CNOT4: variants seen among roughly 807,000 people sequenced by gnomAD.
CNOT4 encodes the protein CCR4-NOT transcription complex subunit 4.
CNOT4 carries 8 observed loss-of-function variants against 73.8 expected under a neutral mutation model. The observed-to-expected ratio is 0.11, with a 90% confidence interval of 0.06 to 0.20. The LOEUF (loss-of-function observed/expected upper bound fraction) is 0.20, where lower values mean the gene tolerates loss of function less well. Among genes scored for constraint, CNOT4 ranks in the 10% least tolerant of loss-of-function variants. CNOT4 has a pLI of 1.00. For missense variants in CNOT4, 564 were observed against 883.4 expected (o/e 0.64, Z 4.58); for synonymous variants, 293 against 321.1 (o/e 0.91, Z 0.94).
intron 1 of CNOT4, among the ~76,000 whole-genome samples, chr7:135,463,039 G>A (rs1460264608): frequency 2.0e-5 from 3 of 152,222 alleles, no homozygotes; most frequent in Admixed American, 2.0e-4. Context: ...GACAGCCGTA[G>A]ATGTGCAGCC....
intron 1 of CNOT4, among the ~76,000 whole-genome samples, chr7:135,502,590 A>G (rs547825062): frequency 0.012 from 1,771 of 152,088 alleles, 40 homozygotes; most frequent in African/African-American, 0.041. Context: ...CGAAGCGGGC[A>G]GATCACCTGA....
chr7:135,506,187 T>C (rs1158856427), intron 1 of CNOT4, among the ~76,000 whole-genome samples: 2 of 152,242 alleles, frequency 1.3e-5, no homozygotes, highest in African/African-American at 4.8e-5. Flanking sequence ...AATCTCAGAA[T>C]GTGTTAAACA....
intron 2 of CNOT4, among the ~76,000 whole-genome samples, chr7:135,424,993 C>A (rs1798411794): frequency 6.6e-6 from 1 of 152,154 alleles, no homozygotes; most frequent in African/African-American, 2.4e-5. Flanking sequence ...CTGAGATAAG[C>A]GTTCAGAAAC....
chr7:135,368,202 T>C (rs1389136025), intron 10 of CNOT4, among the ~76,000 whole-genome samples: 1 of 152,088 alleles, frequency 6.6e-6, no homozygotes, highest in Non-Finnish European at 1.5e-5. Flanking sequence ...AAATCTCTTA[T>C]TAAAGAAGAA....
chr7:135,362,574 C>A lies in CNOT4; in HGVS notation c.*311G>T, dbSNP rs760062770. The A allele has an allele frequency of 1.3e-5, 6 of 477,468 alleles. No homozygotes were observed. The Admixed American group carries it at 1.7e-4, about 13-fold the overall frequency. 29.6% of individuals were successfully genotyped at this position (477,468 alleles called of 1,614,324 possible). On this transcript the variant is annotated 3_prime_UTR_variant, in exon 12 of 12. Coordinates refer to ENST00000541284, the MANE Select transcript of CNOT4 (RefSeq NM_001190850.2). ...AAGCAGATTATGTCATTATTATGCG[C>A]AACAGACAAACAATAATTTTCTAAG...
intron 1 of CNOT4, among the ~76,000 whole-genome samples, chr7:135,474,895 T>C (rs1801896424): frequency 6.6e-6 from 1 of 152,146 alleles, no homozygotes. Flanking sequence ...AAAACCATAA[T>C]GATGGTAATA....
intron 10 of CNOT4, among the ~76,000 whole-genome samples, chr7:135,391,746 A>G (rs186758830): frequency 3.9e-5 from 6 of 152,206 alleles, no homozygotes; most frequent in Admixed American, 2.0e-4. Context: ...GAGAATAACT[A>G]TTGGTTTGAA....
chr7:135,429,950 T>C (rs999120254), intron 2 of CNOT4, among the ~76,000 whole-genome samples: 5 of 152,186 alleles, frequency 3.3e-5, no homozygotes, highest in Non-Finnish European at 7.3e-5. Flanking sequence ...CTGAAATTTA[T>C]GGGGGCAAAA....
rs976754043 is a variant in CNOT4, at chr7:135,407,295, A to C, written c.821+3220T>G. Among the ~76,000 whole-genome samples the C allele has an allele frequency of 2.0e-5, 3 of 152,344 alleles. No individual in the cohort carries two copies. The East Asian group carries it at 5.8e-4, about 29-fold the overall frequency. ...TTTCTTTATAGCAATGCAAGAACAGACTAAACACAGTAAAAGCTAACTACT... is the reference window on the plus strand; with the variant it reads ...TTTCTTTATAGCAATGCAAGAACAGCCTAAACACAGTAAAAGCTAACTACT... On this transcript the variant is annotated intron_variant, in intron 7 of 11. Coordinates refer to ENST00000541284, the MANE Select transcript of CNOT4 (RefSeq NM_001190850.2).
chr7:135,407,224 G>A (rs1354999202), intron 7 of CNOT4, among the ~76,000 whole-genome samples: 2 of 152,176 alleles, frequency 1.3e-5, no homozygotes, highest in African/African-American at 2.4e-5. Flanking sequence ...GCAGAACTGT[G>A]AGCCAAATGA....
chr7:135,369,271 T>G lies in CNOT4; in HGVS notation c.1628-5205A>C, dbSNP rs79687998. 2.8e-3 allele frequency among the ~76,000 whole-genome samples: 419 copies of G among 152,324 alleles called. 4 individuals are homozygous for G. Among genetic ancestry groups the G allele is most frequent in the Non-Finnish European group, 2.2e-3 (149 of 68,010 alleles). On this transcript the variant is annotated intron_variant, in intron 10 of 11. Coordinates refer to ENST00000541284, the MANE Select transcript of CNOT4 (RefSeq NM_001190850.2). ...CCCAAACAAGACAATTCCAGTAGAT[T>G]TGTTTCCACGAATATATTTTTGTGC...
At position 135,457,611 on chromosome 7, in the gene CNOT4, C is replaced by T. The variant is rs541981846; in HGVS notation, c.-92-19188G>A. Among the ~76,000 whole-genome samples the T allele has an allele frequency of 3.9e-4, 59 of 152,098 alleles. 1 individual carries two copies. The highest frequency in any genetic ancestry group is 1.4e-3 in the African/African-American group (58 of 41,558). On this transcript the variant is annotated intron_variant, in intron 1 of 11. Coordinates refer to ENST00000541284, the MANE Select transcript of CNOT4 (RefSeq NM_001190850.2). ...TCCAAAAATTTGTAAGTTTCAATGG[C>T]GTTTCCACGCTTCTAATACTATTTT...
At chr7:135,398,835 G>C (rs1355067638) in intron 7 of CNOT4, among the ~76,000 whole-genome samples, 1 of 151,974 alleles carries the variant, frequency 6.6e-6, no homozygotes, top group East Asian at 1.9e-4. Context: ...ATTTTTCTGG[G>C]TGTTTGACAG....
intron 10 of CNOT4, among the ~76,000 whole-genome samples, chr7:135,389,211 G>A (rs912598449): frequency 6.9e-6 from 1 of 145,892 alleles, no homozygotes; most frequent in African/African-American, 2.6e-5. Context: ...CAAGCCAATT[G>A]GACCCTTATA....
Position 135,434,586 on chromosome 7 carries a change from T to C in CNOT4, c.174+3572A>G, listed in dbSNP as rs191934436. Among the ~76,000 whole-genome samples the C allele has an allele frequency of 1.8e-3, 268 of 152,344 alleles. 5 individuals carry two copies. Among genetic ancestry groups the C allele is most frequent in the Middle Eastern group, 0.01 (3 of 294 alleles). ...GTTGGAAAGTTTTGGTGCTTATCCT[T>C]AGACAATCTTTCATCTTTTCAATTC... On this transcript the variant is annotated intron_variant, in intron 2 of 11. Coordinates refer to ENST00000541284, the MANE Select transcript of CNOT4 (RefSeq NM_001190850.2).
intron 2 of CNOT4, among the ~76,000 whole-genome samples, chr7:135,432,039 T>C (rs938456139): frequency 3.3e-5 from 5 of 152,166 alleles, no homozygotes; most frequent in Non-Finnish European, 7.4e-5. Context: ...GCTAAATACT[T>C]AGAATACCCA....
intron 1 of CNOT4, among the ~76,000 whole-genome samples, chr7:135,504,785 C>T (rs975158042): frequency 4.2e-5 from 3 of 71,512 alleles, no homozygotes; most frequent in Non-Finnish European, 8.9e-5. Flanking sequence ...CGCGCCCGGC[C>T]CATCCGGCTA....
At chr7:135,503,424 C>T (rs1804134149) in intron 1 of CNOT4, among the ~76,000 whole-genome samples, 1 of 151,320 alleles carries the variant, frequency 6.6e-6, no homozygotes, top group Non-Finnish European at 1.5e-5. Context: ...GATCATGCCA[C>T]TGCACTCCAG....
At chr7:135,453,826 T>TATATATATATATATATATATA (rs1800335679) in intron 1 of CNOT4, among the ~76,000 whole-genome samples, 1 of 89,900 alleles carries the variant, frequency 1.1e-5, no homozygotes, top group Non-Finnish European at 2.3e-5. Context: ...TATATATATT[T>TATATATATATATATATATATA]TATATATATA....
Sources: allele counts gnomAD v4.1 joint callset (sites outside exome capture counted in the v4.1 genomes callset), GRCh38; gene constraint gnomAD v4.1.1; transcripts MANE v1.5; gene names NCBI Gene and HGNC (gene_info 2026-07-23, HGNC 2026-07-21).